The following SGCZ variants were observed in gnomAD, a reference collection of about 807,000 sequenced individuals.
The protein encoded by SGCZ is sarcoglycan zeta.
Under a neutral mutation model 41.3 loss-of-function variants are expected in SGCZ, and 40 were observed. The observed-to-expected ratio is 0.97, with a 90% CI of 0.75 to 1.26. SGCZ has a LOEUF of 1.26. Among genes scored for constraint, SGCZ ranks in the 50% most tolerant of loss-of-function variants. The pLI, the probability that SGCZ is intolerant of heterozygous loss-of-function variation, is 0.00. For synonymous variants in SGCZ, 206 were observed against 137.5 expected (o/e 1.50, Z -3.49); for missense variants, 552 against 369.8 (o/e 1.49, Z -4.04).
intron 1 of SGCZ, among the ~76,000 whole-genome samples, chr8:14,916,350 G>C (rs559998079): frequency 3.5e-4 from 53 of 152,288 alleles, no homozygotes; most frequent in African/African-American, 1.2e-3. Flanking sequence ...AAAGCCCGAA[G>C]TTTCAGCACC....
chr8:14,596,705 C>T (rs1017037735), intron 1 of SGCZ, among the ~76,000 whole-genome samples: 1 of 151,962 alleles, frequency 6.6e-6, no homozygotes, highest in African/African-American at 2.4e-5. Context: ...AGCATTAGGA[C>T]AAATACCTAA....
In SGCZ at chr8:14,217,628, GTTTTTTTTTTTT is replaced by G. The variant is rs1168241820; in HGVS notation, c.424+19952_424+19963del. Among the ~76,000 whole-genome samples the G allele has an allele frequency of 4.2e-3, 427 of 100,828 alleles. 2 individuals carry two copies. Among genetic ancestry groups the G allele is most frequent in the South Asian group, 0.01 (30 of 2,968 alleles). The allele number at this position is 100,828 out of a possible 152,430, so 66.1% of individuals were successfully genotyped here. Reference sequence around the variant, plus strand: ...TTGAGAACATTTAAATTCAACTAAAGTTTTTTTTTTTTTTTTTTTTTTTGAGACAGAGTCTCT... The same window carrying G: ...TTGAGAACATTTAAATTCAACTAAAGTTTTTTTTTTTGAGACAGAGTCTCT... On this transcript the variant is annotated intron_variant, in intron 4 of 7. Transcript: ENST00000382080.
chr8:14,238,225 G>C (rs1483704978), intron 3 of SGCZ, among the ~76,000 whole-genome samples: 1 of 152,096 alleles, frequency 6.6e-6, no homozygotes, highest in African/African-American at 2.4e-5. Flanking sequence ...TTGTTTGCTT[G>C]TTTATTTAAT....
At chr8:14,582,659 T>TC (rs1804930165) in intron 1 of SGCZ, among the ~76,000 whole-genome samples, 1 of 70,676 alleles carries the variant, frequency 1.4e-5, no homozygotes, top group East Asian at 5.0e-4. Flanking sequence ...CCCTCCCCCC[T>TC]CCCCCCACCC....
chr8:14,261,000 TGAC>T (rs1395894781), intron 3 of SGCZ, among the ~76,000 whole-genome samples: 1 of 152,140 alleles, frequency 6.6e-6, no homozygotes, highest in African/African-American at 2.4e-5. Context: ...TAACGCTAGA[TGAC>T]GAGTTAGTGG....
intron 2 of SGCZ, among the ~76,000 whole-genome samples, chr8:14,402,671 A>G (rs1264984628): frequency 7.0e-6 from 1 of 142,898 alleles, no homozygotes; most frequent in African/African-American, 3.0e-5. Flanking sequence ...TACCAGTACC[A>G]CGGTGTTTTG....
At chr8:15,220,718 G>A (rs1371309438) in intron 1 of SGCZ, among the ~76,000 whole-genome samples, 7 of 152,100 alleles carry the variant, frequency 4.6e-5, no homozygotes, top group South Asian at 2.1e-4. Flanking sequence ...GCATACGTAC[G>A]TTTATTGCAG....
chr8:14,645,094 G>C (rs1402450277), intron 1 of SGCZ, among the ~76,000 whole-genome samples: 1 of 151,546 alleles, frequency 6.6e-6, no homozygotes, highest in Non-Finnish European at 1.5e-5. Context: ...GCATCCCAGG[G>C]CATAAAAGTT....
chr8:14,457,742 G>A (rs1223817557), intron 2 of SGCZ, among the ~76,000 whole-genome samples: 1 of 152,140 alleles, frequency 6.6e-6, no homozygotes, highest in Non-Finnish European at 1.5e-5. Flanking sequence ...GGCAGAGAAG[G>A]GCCCCCTGTC....
chr8:14,460,310 A>G (rs772144707), intron 2 of SGCZ, among the ~76,000 whole-genome samples: 1 of 152,228 alleles, frequency 6.6e-6, no homozygotes, highest in Non-Finnish European at 1.5e-5. Context: ...TTATTCATCC[A>G]TGATTGAAAA....
intron 2 of SGCZ, among the ~76,000 whole-genome samples, chr8:14,380,979 A>G (rs1248144437): frequency 6.6e-6 from 1 of 152,214 alleles, no homozygotes; most frequent in Non-Finnish European, 1.5e-5. Flanking sequence ...CGTATTCCTA[A>G]TCGTTCTTAG....
intron 1 of SGCZ, among the ~76,000 whole-genome samples, chr8:15,217,814 C>G (rs573579664): frequency 6.6e-6 from 1 of 152,018 alleles, no homozygotes; most frequent in Non-Finnish European, 1.5e-5. Flanking sequence ...TCTGGCTGTG[C>G]GTGGCATTCA....
intron 2 of SGCZ, among the ~76,000 whole-genome samples, chr8:14,438,735 T>C (rs560726013): frequency 6.6e-6 from 1 of 152,096 alleles, no homozygotes; most frequent in Admixed American, 6.6e-5. Context: ...TTTTTTTAAA[T>C]CTGAGAAATA....
chr8:14,924,760 T>C (rs1207693282), intron 1 of SGCZ, among the ~76,000 whole-genome samples: 2 of 152,134 alleles, frequency 1.3e-5, no homozygotes, highest in African/African-American at 4.8e-5. Context: ...AAACACAAAA[T>C]GTTAAAAGTT....
chr8:14,458,413 C>T (rs1800809952), intron 2 of SGCZ, among the ~76,000 whole-genome samples: 1 of 151,966 alleles, frequency 6.6e-6, no homozygotes, highest in Admixed American at 6.6e-5. Flanking sequence ...CAGGGTTATG[C>T]GTAGGTGATG....
At chr8:15,187,695 A>G (rs1243877487) in intron 1 of SGCZ, among the ~76,000 whole-genome samples, 1 of 152,040 alleles carries the variant, frequency 6.6e-6, no homozygotes, top group Non-Finnish European at 1.5e-5. Context: ...TTATTAACTT[A>G]AAAAATTATT....
At chr8:14,162,408 T>A (rs748290418) in intron 5 of SGCZ, among the ~76,000 whole-genome samples, 14 of 152,194 alleles carry the variant, frequency 9.2e-5, no homozygotes, top group Non-Finnish European at 1.8e-4. Context: ...AGATTATTAA[T>A]GTTGCCCAGT....
intron 1 of SGCZ, among the ~76,000 whole-genome samples, chr8:15,086,838 C>T (rs537696142): frequency 6.7e-4 from 102 of 152,084 alleles, no homozygotes; most frequent in Non-Finnish European, 1.1e-3. Flanking sequence ...ATCCATTTTT[C>T]CAGCCAGGTG....
chr8:14,856,315 G>T (rs908406795), intron 1 of SGCZ, among the ~76,000 whole-genome samples: 1 of 152,270 alleles, frequency 6.6e-6, no homozygotes, highest in African/African-American at 2.4e-5. Context: ...GGGGAGATTT[G>T]GGAAGGACAG....
Sources: allele counts gnomAD v4.1 joint callset (sites outside exome capture counted in the v4.1 genomes callset), GRCh38; gene constraint gnomAD v4.1.1; transcripts MANE v1.5; gene names NCBI Gene and HGNC (gene_info 2026-07-23, HGNC 2026-07-21).